Variants in CDH12 observed in about 807,000 individuals in gnomAD.
CDH12 encodes cadherin-12.
CDH12 carries 41 observed loss-of-function variants against 74.1 expected under a neutral mutation model. The observed-to-expected ratio is 0.55, with a 90% CI of 0.43 to 0.72. The LOEUF is 0.72. Ranked by LOEUF, CDH12 falls within the 30% of genes least tolerant of loss-of-function variation. CDH12 has a pLI of 0.00. For missense variants in CDH12, 945 were observed against 977.2 expected (o/e 0.97, Z 0.44); for synonymous variants, 399 against 355.0 (o/e 1.12, Z -1.39).
At chr5:22,698,481 T>C (rs1742501868) in intron 1 of CDH12, among the ~76,000 whole-genome samples, 1 of 151,524 alleles carries the variant, frequency 6.6e-6, no homozygotes, top group Non-Finnish European at 1.5e-5. Flanking sequence ...CCAGACTCAC[T>C]TAGTCATTGA....
chr5:21,826,916 G>A (rs1215647211), intron 8 of CDH12, among the ~76,000 whole-genome samples: 1 of 152,038 alleles, frequency 6.6e-6, no homozygotes, highest in African/African-American at 2.4e-5. Flanking sequence ...TTGGGATAGG[G>A]AGAAAAAACA....
intron 3 of CDH12, among the ~76,000 whole-genome samples, chr5:22,253,196 ATAAAG>A (rs1343930008): frequency 6.7e-6 from 1 of 150,340 alleles, no homozygotes; most frequent in Non-Finnish European, 1.5e-5. Flanking sequence ...TTTTGTATTT[ATAAAG>A]TAATTATGAC....
intron 8 of CDH12, 46 bp downstream of exon 8, chr5:21,842,115 T>TG: frequency 6.7e-7 from 1 of 1,486,514 alleles, no homozygotes; most frequent in East Asian, 2.4e-5. Context: ...ACCATTAAAT[T>TG]TTTTTAAACC....
intron 1 of CDH12, among the ~76,000 whole-genome samples, chr5:22,822,389 A>C (rs1466808508): frequency 2.6e-5 from 4 of 152,178 alleles, no homozygotes; most frequent in East Asian, 1.9e-4. Context: ...AATGGGATCT[A>C]ATTAAACTAA....
intron 4 of CDH12, among the ~76,000 whole-genome samples, chr5:22,165,871 A>G (rs2150323490): frequency 6.6e-6 from 1 of 152,324 alleles, no homozygotes; most frequent in East Asian, 1.9e-4. Flanking sequence ...ATGCCATGGC[A>G]AGATCAGGAA....
intron 7 of CDH12, among the ~76,000 whole-genome samples, chr5:21,847,566 A>G (rs1435358687): frequency 2.0e-5 from 3 of 151,956 alleles, no homozygotes; most frequent in Non-Finnish European, 4.4e-5. Flanking sequence ...TAGCGTTTTC[A>G]TATCTTTTTC....
chr5:21,805,349 T>G (rs1265868075), intron 9 of CDH12, among the ~76,000 whole-genome samples: 1 of 152,098 alleles, frequency 6.6e-6, no homozygotes, highest in Non-Finnish European at 1.5e-5. Context: ...AAGCCAGACA[T>G]GAAAGGAGAA....
At chr5:22,051,483 G>A (rs905932838) in intron 5 of CDH12, among the ~76,000 whole-genome samples, 1 of 152,068 alleles carries the variant, frequency 6.6e-6, no homozygotes, top group Non-Finnish European at 1.5e-5. Flanking sequence ...TTTTGTTGTT[G>A]CTGTTGGATA....
chr5:21,822,895 T>G (rs145946725), intron 8 of CDH12, among the ~76,000 whole-genome samples: 96 of 152,248 alleles, frequency 6.3e-4, no homozygotes, highest in African/African-American at 2.2e-3. Context: ...AATGAGAAAT[T>G]TATTCCTGTA....
chr5:22,726,218 C>T (rs1744157370), intron 1 of CDH12, among the ~76,000 whole-genome samples: 1 of 151,702 alleles, frequency 6.6e-6, no homozygotes, highest in Non-Finnish European at 1.5e-5. Flanking sequence ...TGCCCCTAAA[C>T]CTTAGCAACC....
At chr5:21,794,621 A>AT (rs1219317010) in intron 10 of CDH12, among the ~76,000 whole-genome samples, 2 of 151,158 alleles carry the variant, frequency 1.3e-5, no homozygotes, top group African/African-American at 4.9e-5. Flanking sequence ...CAAAATATCT[A>AT]TTTTTTTCAT....
intron 1 of CDH12, among the ~76,000 whole-genome samples, chr5:22,620,352 G>A (rs1737910178): frequency 6.6e-6 from 1 of 151,946 alleles, no homozygotes; most frequent in Non-Finnish European, 1.5e-5. Flanking sequence ...AAGAGAGTTG[G>A]TGTATAATGG....
chr5:22,028,359 A>T (rs1738535572), intron 5 of CDH12, among the ~76,000 whole-genome samples: 1 of 151,966 alleles, frequency 6.6e-6, no homozygotes, highest in Non-Finnish European at 1.5e-5. Flanking sequence ...TATCTAGAAA[A>T]CCCCATTGTC....
At chr5:22,078,180 T>A (rs956838609) in intron 5 of CDH12, among the ~76,000 whole-genome samples, 5 of 152,174 alleles carry the variant, frequency 3.3e-5, no homozygotes, top group African/African-American at 4.8e-5. Flanking sequence ...TAACTTCATG[T>A]CTTCAGCAAA....
intron 6 of CDH12, among the ~76,000 whole-genome samples, chr5:21,950,379 A>T (rs1755796449): frequency 1.3e-5 from 2 of 152,280 alleles, no homozygotes; most frequent in South Asian, 4.1e-4. Flanking sequence ...GAAACTTAAC[A>T]TGTTTACGTA....
intron 9 of CDH12, among the ~76,000 whole-genome samples, chr5:21,805,863 CAATA>C (rs1216024554): frequency 2.0e-5 from 3 of 152,100 alleles, no homozygotes; most frequent in African/African-American, 7.2e-5. Flanking sequence ...ATCTCTTGCA[CAATA>C]AATAGAGAAC....
intron 11 of CDH12, among the ~76,000 whole-genome samples, chr5:21,782,816 T>A (rs1372951865): frequency 6.6e-6 from 1 of 152,072 alleles, no homozygotes; most frequent in Non-Finnish European, 1.5e-5. Context: ...ACTCAACAAA[T>A]AATTCCTAAT....
intron 3 of CDH12, among the ~76,000 whole-genome samples, chr5:22,364,545 G>T (rs762811361): frequency 6.6e-6 from 1 of 152,130 alleles, no homozygotes; most frequent in East Asian, 1.9e-4. Context: ...TTGGTAGAAG[G>T]TGGTTACAGG....
At chr5:22,608,072 G>A (rs1405280786) in intron 1 of CDH12, among the ~76,000 whole-genome samples, 7 of 152,186 alleles carry the variant, frequency 4.6e-5, no homozygotes, top group Non-Finnish European at 1.0e-4. Flanking sequence ...GGAGCTATGA[G>A]AAGTGAGCCA....
Sources: allele counts gnomAD v4.1 joint callset (sites outside exome capture counted in the v4.1 genomes callset), GRCh38; gene constraint gnomAD v4.1.1; transcripts MANE v1.5; gene names NCBI Gene and HGNC (gene_info 2026-07-23, HGNC 2026-07-21).